The following BCR variants were observed in gnomAD, a reference collection of about 807,000 sequenced individuals.
BCR encodes the protein breakpoint cluster region protein.
BCR carries 58 observed loss-of-function variants against 138.6 expected under a neutral mutation model. That is an observed-to-expected ratio of 0.42 (90% CI 0.34 to 0.52). The LOEUF is 0.52. BCR is among the 20% of genes least tolerant of loss of function. The pLI, the probability that BCR is intolerant of heterozygous loss-of-function variation, is 0.06. For missense variants in BCR, 1,599 were observed against 1,727.2 expected, an observed-to-expected ratio of 0.93 and a Z score of 1.32; for synonymous variants, 786 against 730.1, an observed-to-expected ratio of 1.08 and a Z score of -1.23.
intron 16 of BCR, among the ~76,000 whole-genome samples, chr22:23,295,636 G>A (rs751290421): frequency 2.6e-4 from 39 of 152,084 alleles, no homozygotes; most frequent in Non-Finnish European, 2.5e-4. Context: ...TCTGAACAGG[G>A]TGCACACAGA....
intron 4 of BCR, chr22:23,262,848 G>A: frequency 9.6e-7 from 1 of 1,042,700 alleles, no homozygotes; most frequent in Non-Finnish European, 1.2e-6. Flanking sequence ...GGGCGGAAGG[G>A]AAGCCCGGGC....
intron 6 of BCR, among the ~76,000 whole-genome samples, chr22:23,272,062 A>G (rs553378432): frequency 1.2e-4 from 19 of 152,226 alleles, no homozygotes; most frequent in African/African-American, 4.6e-4. Context: ...CCTGACCTAA[A>G]GTGCCTTGGC....
chr22:23,271,818 T>C (rs770528345), intron 6 of BCR, among the ~76,000 whole-genome samples: 1 of 152,100 alleles, frequency 6.6e-6, no homozygotes, highest in Non-Finnish European at 1.5e-5. Context: ...AAGGTGCTGC[T>C]TAAATTGACT....
At chr22:23,300,428 A>C (rs569436887) in intron 16 of BCR, among the ~76,000 whole-genome samples, 1 of 152,364 alleles carries the variant, frequency 6.6e-6, no homozygotes, top group Non-Finnish European at 1.5e-5. Flanking sequence ...TGTATGGATT[A>C]ACAGACATTC....
intron 16 of BCR, among the ~76,000 whole-genome samples, chr22:23,307,378 A>T (rs2073961993): frequency 1.3e-5 from 2 of 151,242 alleles, no homozygotes; most frequent in Middle Eastern, 6.8e-3. Flanking sequence ...TGCTGATATC[A>T]CAGGCAGGGT....
intron 1 of BCR, among the ~76,000 whole-genome samples, chr22:23,187,513 T>TA (rs1373688236): frequency 3.3e-5 from 5 of 151,428 alleles, no homozygotes; most frequent in Admixed American, 2.6e-4. Context: ...TTTTTTTTTT[T>TA]AATAGAGATT....
Position 23,315,450 on chromosome 22 carries a change from C to T in BCR, c.3744C>T (p.Tyr1248=), listed in dbSNP as rs767005528. 6.2e-7 allele frequency: 1 copy of T among 1,613,490 alleles called. No individual in the cohort carries two copies. The highest frequency in any genetic ancestry group is 1.3e-5 in the African/African-American group (1 of 74,932). The part of the protein sequence containing the change: ...EVMSQVQVLL[Y]FLQLEAIPAP... ...CCGGGCAGGTCCAGGTGCTGCTGTA[C>T]TTCCTGCAGCTGGAGGCCATCCCTG... Residue 1248 remains tyrosine (Y), a synonymous_variant, in exon 23 of 23, where the codon TAC becomes TAT. Transcript: ENST00000305877.
Position 23,300,832 on chromosome 22 carries a change from G to A in BCR, c.3012+5677G>A, listed in dbSNP as rs943404462. Among the ~76,000 whole-genome samples the A allele has an allele frequency of 6.6e-5, 10 of 152,256 alleles. No individual in the cohort carries two copies. In the South Asian group the frequency reaches 1.9e-3, roughly 28 times the overall value. On this transcript the variant is annotated intron_variant, in intron 16 of 22. Transcript: ENST00000305877. ...GGCTCACAGTCCAAATCTCATCCCC[G>A]AGGCTCACATAAAACATTGGCAACA... is the stretch of plus-strand genomic sequence containing the variant.
chr22:23,192,156 A>G (rs1446967352), intron 1 of BCR, among the ~76,000 whole-genome samples: 1 of 152,184 alleles, frequency 6.6e-6, no homozygotes, highest in Non-Finnish European at 1.5e-5. Context: ...AGGCTGCTTC[A>G]TGGGCCCTCG....
At chr22:23,250,243 G>A (rs980850262) in intron 1 of BCR, among the ~76,000 whole-genome samples, 1 of 152,210 alleles carries the variant, frequency 6.6e-6, no homozygotes, top group African/African-American at 2.4e-5. Context: ...GGGAGTCAGT[G>A]TAGTCATGGG....
At chr22:23,314,157 C>A in intron 21 of BCR, 84 bp downstream of exon 21, 1 of 1,112,900 alleles carries the variant, frequency 9.0e-7, no homozygotes. Context: ...ACCCCCAACA[C>A]CGAGGACCTT....
chr22:23,285,261 A>G, intron 10 of BCR, 60 bp downstream of exon 10: 2 of 1,532,438 alleles, frequency 1.3e-6, no homozygotes, highest in Non-Finnish European at 1.8e-6. Flanking sequence ...CAGCCCCCGC[A>G]CACGGCCAGT....
intron 14 of BCR, among the ~76,000 whole-genome samples, chr22:23,292,051 C>T (rs1447129576): frequency 1.3e-5 from 2 of 152,218 alleles, no homozygotes. Flanking sequence ...CACGACTTCT[C>T]CAGCACTGAG....
chr22:23,201,373 G>T (rs1009808430), intron 1 of BCR, among the ~76,000 whole-genome samples: 1 of 152,210 alleles, frequency 6.6e-6, no homozygotes, highest in African/African-American at 2.4e-5. Flanking sequence ...GCTGGCATTG[G>T]CTGGAGGCCC....
At chr22:23,314,810 T>TTGTA in intron 22 of BCR, 96 bp downstream of exon 22, 4 of 1,463,152 alleles carry the variant, frequency 2.7e-6, no homozygotes, top group Non-Finnish European at 2.8e-6. Context: ...CTTACTTGCA[T>TTGTA]TGTATGTGGT....
chr22:23,194,415 TTTC>T (rs2072452469), intron 1 of BCR, among the ~76,000 whole-genome samples: 2 of 150,800 alleles, frequency 1.3e-5, no homozygotes, highest in Non-Finnish European at 3.0e-5. Context: ...TTTTTTTTTC[TTTC>T]TTTTTTCTTT....
At chr22:23,309,837 C>A (rs1602132540) in intron 17 of BCR, 1 of 372,704 alleles carries the variant, frequency 2.7e-6, no homozygotes, top group East Asian at 5.1e-5. Context: ...AGCAATGACA[C>A]ACCCAAAAAG....
chr22:23,247,243 C>G (rs1411875226), intron 1 of BCR, among the ~76,000 whole-genome samples: 1 of 152,148 alleles, frequency 6.6e-6, no homozygotes, highest in Admixed American at 6.5e-5. Context: ...GTTTGATGTC[C>G]GCCTCTGTGA....
rs756349433 is a variant in BCR, at chr22:23,253,907, C to G, written c.1388C>G (p.Ser463Trp). ...TACATTGATGACTCGCCCTCCTCAT[C>G]GCCCCACCTCAGCAGCAAGGGCAGG... is the stretch of plus-strand genomic sequence containing the variant. Reference protein sequence around the residue: ...LPYIDDSPSSSPHLSSKGRGS... With the variant: ...LPYIDDSPSSWPHLSSKGRGS... Residue 463 changes from serine to tryptophan, a missense_variant, in exon 2 of 23, where the codon TCG (serine) becomes TGG (tryptophan). Physicochemically the swap from Ser to Trp is radical, Grantham distance 177. Transcript: ENST00000305877. 3 of 1,613,264 alleles carry G rather than the reference C, an allele frequency of 1.9e-6. No individual in the cohort carries two copies. The Admixed American group carries it at 5.0e-5, about 27-fold the overall frequency.
Sources: allele counts gnomAD v4.1 joint callset (sites outside exome capture counted in the v4.1 genomes callset), GRCh38; gene constraint gnomAD v4.1.1; transcripts MANE v1.5; gene names NCBI Gene and HGNC (gene_info 2026-07-23, HGNC 2026-07-21).